The following MROH9 variants were observed in gnomAD, a reference collection of about 807,000 sequenced individuals.
MROH9 encodes maestro heat like repeat family member 9.
A neutral mutation model predicts 98.2 loss-of-function variants in MROH9; 92 were observed. That is an observed-to-expected ratio of 0.94 (90% CI 0.79 to 1.11). The LOEUF is 1.11. MROH9 is among the 50% of genes most tolerant of loss of function. The probability of loss-of-function intolerance (pLI) is 0.00; values close to 1 mark genes in which losing one functional copy is unlikely to be tolerated. For missense variants in MROH9, 1,057 were observed against 1,014.8 expected (o/e 1.04, Z -0.57); for synonymous variants, 397 against 368.9 (o/e 1.08, Z -0.87).
chr1:170,982,331 G>T (rs1232169904), intron 8 of MROH9, among the ~76,000 whole-genome samples: 1 of 152,106 alleles, frequency 6.6e-6, no homozygotes, highest in Non-Finnish European at 1.5e-5. Context: ...CTGAGTGAAA[G>T]AAGCCAATCC....
intron 20 of MROH9, among the ~76,000 whole-genome samples, chr1:171,055,715 C>T (rs971118725): frequency 5.9e-5 from 9 of 151,428 alleles, no homozygotes; most frequent in African/African-American, 2.2e-4. Flanking sequence ...TATTGAGGGG[C>T]CAAGATGTCC....
chr1:171,035,631 TC>T (rs1442830365), intron 20 of MROH9, among the ~76,000 whole-genome samples: 1 of 152,104 alleles, frequency 6.6e-6, no homozygotes, highest in Non-Finnish European at 1.5e-5. Flanking sequence ...ATGACACTTT[TC>T]AGAAAAGGAC....
chr1:171,050,362 G>A (rs1366654725), intron 20 of MROH9, among the ~76,000 whole-genome samples: 1 of 152,208 alleles, frequency 6.6e-6, no homozygotes, highest in Admixed American at 6.5e-5. Context: ...TTTCATCAGT[G>A]TTTTATAGTT....
chr1:170,945,401 C>A, intron 1 of MROH9, 119 bp from the exon 2 acceptor site: 3 of 650,472 alleles, frequency 4.6e-6, no homozygotes, highest in South Asian at 3.6e-5. Flanking sequence ...TGATGCACAG[C>A]TATAGAAAAT....
At chr1:170,944,894 T>C (rs1394467978) in intron 1 of MROH9, among the ~76,000 whole-genome samples, 1 of 152,020 alleles carries the variant, frequency 6.6e-6, no homozygotes, top group African/African-American at 2.4e-5. Context: ...TGATGTATGA[T>C]GGGAAATCAT....
At chr1:171,042,598 C>G (rs1041469352) in intron 20 of MROH9, among the ~76,000 whole-genome samples, 1 of 152,084 alleles carries the variant, frequency 6.6e-6, no homozygotes, top group Non-Finnish European at 1.5e-5. Context: ...AATTTATGTT[C>G]TCACCAACAG....
chr1:171,037,075 A>G (rs1325789111), intron 20 of MROH9, among the ~76,000 whole-genome samples: 1 of 151,958 alleles, frequency 6.6e-6, no homozygotes, highest in Admixed American at 6.6e-5. Context: ...GTAGGATATT[A>G]TATCTATTCT....
chr1:171,061,069 TGAATAAGCA>T (rs1489361648), intron 20 of MROH9, among the ~76,000 whole-genome samples: 1 of 152,176 alleles, frequency 6.6e-6, no homozygotes, highest in African/African-American at 2.4e-5. Context: ...GAGACTTATC[TGAATAAGCA>T]TTTCACAAAA....
chr1:170,968,579 T>A (rs9426919), intron 7 of MROH9, among the ~76,000 whole-genome samples: 12,105 of 151,874 alleles, frequency 0.08, 617 homozygotes, highest in Non-Finnish European at 0.11. Flanking sequence ...AAAGAAAAAA[T>A]TACTATTAAA....
At chr1:170,979,342 C>A (rs1441338433) in intron 8 of MROH9, among the ~76,000 whole-genome samples, 2 of 152,196 alleles carry the variant, frequency 1.3e-5, no homozygotes, top group East Asian at 1.9e-4. Context: ...CAACATTGTG[C>A]AGAATAGAAC....
At chr1:170,998,723 G>A (rs1651681833) in intron 15 of MROH9, 1 of 1,012,508 alleles carries the variant, frequency 9.9e-7, no homozygotes, top group Admixed American at 5.8e-5. Flanking sequence ...TATCAATATT[G>A]TGCCATGTAT....
At chr1:170,981,835 A>T (rs558049532) in intron 8 of MROH9, among the ~76,000 whole-genome samples, 2 of 152,314 alleles carry the variant, frequency 1.3e-5, no homozygotes, top group East Asian at 3.9e-4. Context: ...CAAAGGAGCA[A>T]ATCAAATAAT....
At chr1:171,063,747 A>G (rs1373371043) in intron 21 of MROH9, among the ~76,000 whole-genome samples, 1 of 152,240 alleles carries the variant, frequency 6.6e-6, no homozygotes, top group Non-Finnish European at 1.5e-5. Context: ...GTTAATGAAC[A>G]TTGAGACTGA....
At chr1:170,938,340 T>A (rs766769577) in intron 1 of MROH9, among the ~76,000 whole-genome samples, 2 of 152,202 alleles carry the variant, frequency 1.3e-5, no homozygotes, top group Non-Finnish European at 2.9e-5. Context: ...GGTGCAACTC[T>A]ATTTTCACCC....
In MROH9 at chr1:170,959,104, G is replaced by A. The variant is rs562951841; in HGVS notation, c.153-358G>A. 5.9e-4 allele frequency among the ~76,000 whole-genome samples: 90 copies of A among 152,196 alleles called. 2 individuals are homozygous for A. The South Asian group carries it at 0.012, about 20-fold the overall frequency. On this transcript the variant is annotated intron_variant, in intron 4 of 21. Transcript: ENST00000367759. ...ACTAAGAAATGGCTGGGCCAGGCAC[G>A]GTGGCTCACACCTCTAATCCCAGCA...
At chr1:170,970,187 G>A (rs1439724013) in intron 7 of MROH9, among the ~76,000 whole-genome samples, 1 of 152,168 alleles carries the variant, frequency 6.6e-6, no homozygotes, top group Non-Finnish European at 1.5e-5. Context: ...CTCCTGAGCA[G>A]GGATAATCAG....
rs1461782937 is a variant in MROH9 at position 171,055,632 on chromosome 1, A to AG, written c.2282-6500_2282-6499insG. The stretch of plus-strand genomic sequence containing the variant: ...GTGAGACTTCATAAAAAAAAAAAAA[A>AG]AAAAAAAAAGATACAGTGGACTTTG... On this transcript the variant is annotated intron_variant, in intron 20 of 21. Coordinates refer to ENST00000367759, the MANE Select transcript of MROH9 (RefSeq NM_001163629.2). 4.0e-5 allele frequency among the ~76,000 whole-genome samples: 6 copies of AG among 151,574 alleles called. No individual in the cohort carries two copies. In the East Asian group the frequency reaches 1.2e-3, roughly 29 times the overall value.
chr1:171,026,151 G>A (rs1652703594), intron 20 of MROH9, among the ~76,000 whole-genome samples: 1 of 151,924 alleles, frequency 6.6e-6, no homozygotes, highest in South Asian at 2.1e-4. Flanking sequence ...CAGCACTAAA[G>A]CCCACGATCT....
chr1:170,944,089 T>G (rs1429021781), intron 1 of MROH9, among the ~76,000 whole-genome samples: 1 of 151,994 alleles, frequency 6.6e-6, no homozygotes, highest in East Asian at 1.9e-4. Flanking sequence ...TAGGGGTTAT[T>G]AAACAAGCAA....
Sources: gnomAD v4.1 joint callset for allele counts (sites outside exome capture counted in the v4.1 genomes callset) on GRCh38, gnomAD v4.1.1 for gene constraint, MANE v1.5 for transcripts, NCBI Gene and HGNC (gene_info 2026-07-23, HGNC 2026-07-21) for gene names.